BRIP1: variants seen among roughly 807,000 people sequenced by gnomAD.
The protein encoded by BRIP1 is BRCA1 interacting DNA helicase 1.
BRIP1 carries 88 observed loss-of-function variants against 119.7 expected under a neutral mutation model. The observed-to-expected ratio is 0.74, with a 90% CI of 0.62 to 0.88. The LOEUF is 0.88. Ranked by LOEUF, BRIP1 falls within the 40% of genes least tolerant of loss-of-function variation. The pLI, the probability that BRIP1 is intolerant of heterozygous loss-of-function variation, is 0.00. For missense variants in BRIP1, 1,259 were observed against 1,455.4 expected, an observed-to-expected ratio of 0.87 and a Z score of 2.20; for synonymous variants, 443 against 496.5, an observed-to-expected ratio of 0.89 and a Z score of 1.43.
In BRIP1 at chr17:61,760,311, G is replaced by C. The variant is rs1287740940; in HGVS notation, c.2098-15720C>G. On this transcript the variant is annotated intron_variant, in intron 14 of 19. Transcript: ENST00000259008. This position sits in a 1 kb window ranked among gnomAD's most constrained non-coding sequence, Gnocchi z 4.6. ...GGATGCAGCAAACGTAGTCCTAAGA[G>C]GAAAGTTTACAATAACAAATGCCTA... Among the ~76,000 whole-genome samples, 1 of 151,650 alleles carries C rather than the reference G, an allele frequency of 6.6e-6. No homozygotes were observed. Among genetic ancestry groups the C allele is most frequent in the African/African-American group, 2.4e-5 (1 of 41,352 alleles).
rs993775799 is a variant in BRIP1 at position 61,794,200 on chromosome 17, T to G, written c.1341-471A>C. 6.6e-6 allele frequency among the ~76,000 whole-genome samples: 1 copy of G among 152,190 alleles called. No individual in the cohort carries two copies. The highest frequency in any genetic ancestry group is 1.5e-5 in the Non-Finnish European group (1 of 68,038). ...TTAAGTGTTTGAATGCCTATTTTAT[T>G]CCAGACATTGTTCTGGGTAGTGAAA... On this transcript the variant is annotated intron_variant, in intron 9 of 19. Transcript: ENST00000259008. This position sits in a 1 kb window ranked among gnomAD's most constrained non-coding sequence, Gnocchi z 4.3.
At position 61,776,156 on chromosome 17, in the gene BRIP1, A is replaced by G; in HGVS notation, c.2097+245T>C. ...CTCAGCCTCCCAACCTGCTGGGATT[A>G]CAAGCATGAGCCACCACGTCCAGCC... is the stretch of plus-strand genomic sequence containing the variant. On this transcript the variant is annotated intron_variant, in intron 14 of 19. Coordinates refer to ENST00000259008, the MANE Select transcript of BRIP1 (RefSeq NM_032043.3). This position sits in a 1 kb window ranked among gnomAD's most constrained non-coding sequence, Gnocchi z 5.0. 1 of 464,628 alleles carries G rather than the reference A, an allele frequency of 2.2e-6. No homozygotes were observed. The highest frequency in any genetic ancestry group is 3.9e-6 in the Non-Finnish European group (1 of 256,216). The allele number at this position is 464,628 out of a possible 1,614,324, so 28.8% of individuals were successfully genotyped here.
intron 14 of BRIP1, among the ~76,000 whole-genome samples, chr17:61,765,947 C>T (rs753413043): frequency 4.0e-5 from 6 of 151,708 alleles, no homozygotes; most frequent in Non-Finnish European, 8.8e-5. Context: ...TTTTTAACAT[C>T]CTCTTTCAGA....
rs1567810571 is a variant in BRIP1 at position 61,778,330 on chromosome 17, GA to G, written c.1936-1769del. Among the ~76,000 whole-genome samples the G allele has an allele frequency of 7.2e-5, 11 of 152,162 alleles. No homozygotes were observed. On this transcript the variant is annotated intron_variant, in intron 13 of 19. Coordinates refer to ENST00000259008, the MANE Select transcript of BRIP1 (RefSeq NM_032043.3). This position sits in a 1 kb window ranked among gnomAD's most constrained non-coding sequence, Gnocchi z 4.4. Reference sequence around the variant, plus strand: ...AGAATGGTAGTTACCAGGAGCTGAGGAGAGGGGGAGAATAGAGAGCTGTTGT... The same window carrying G: ...AGAATGGTAGTTACCAGGAGCTGAGGGAGGGGGAGAATAGAGAGCTGTTGT...
chr17:61,849,421 T>C (rs1226954751), intron 4 of BRIP1, among the ~76,000 whole-genome samples, 165 bp from the exon 5 acceptor site: 1 of 152,192 alleles, frequency 6.6e-6, no homozygotes, highest in Non-Finnish European at 1.5e-5. Flanking sequence ...TACCATTCAG[T>C]TTACTTTACC....
rs1004935475 is a variant in BRIP1, at chr17:61,720,892, G to T, written c.2380-4829C>A. Among the ~76,000 whole-genome samples, 1 of 151,958 alleles carries T rather than the reference G, an allele frequency of 6.6e-6. No individual in the cohort carries two copies. Among genetic ancestry groups the T allele is most frequent in the Non-Finnish European group, 1.5e-5 (1 of 67,986 alleles). Reference sequence around the variant, plus strand: ...AGAGTCTCGCTCCATTGCCCAGGCTGGAGTGCAGTGACATGATCTTGGCTC... The same window carrying T: ...AGAGTCTCGCTCCATTGCCCAGGCTTGAGTGCAGTGACATGATCTTGGCTC... On this transcript the variant is annotated intron_variant, in intron 16 of 19. Coordinates refer to ENST00000259008, the MANE Select transcript of BRIP1 (RefSeq NM_032043.3). This position sits in a 1 kb window ranked among gnomAD's most constrained non-coding sequence, Gnocchi z 4.3.
At chr17:61,707,821 G>GC (rs2061715025) in intron 17 of BRIP1, among the ~76,000 whole-genome samples, 1 of 151,504 alleles carries the variant, frequency 6.6e-6, no homozygotes, top group Non-Finnish European at 1.5e-5. Flanking sequence ...TTTTTGTACA[G>GC]CCTCCAATGT....
rs1055750977 is a variant in BRIP1 at position 61,806,081 on chromosome 17, G to C, written c.918+2386C>G. On this transcript the variant is annotated intron_variant, in intron 7 of 19. Coordinates refer to ENST00000259008, the MANE Select transcript of BRIP1 (RefSeq NM_032043.3). This position sits in a 1 kb window ranked among gnomAD's most constrained non-coding sequence, Gnocchi z 4.9. ...TGCCTTGGATCAAGCCAAAAAATCAGAAAGTTTACACTTTAAGGGCAGTTA... is the reference window on the plus strand; with the variant it reads ...TGCCTTGGATCAAGCCAAAAAATCACAAAGTTTACACTTTAAGGGCAGTTA... Among the ~76,000 whole-genome samples, 2 of 152,278 alleles carry C rather than the reference G, an allele frequency of 1.3e-5. No homozygotes were observed. The highest frequency in any genetic ancestry group is 1.3e-4 in the Admixed American group (2 of 15,294).
chr17:61,789,072 T>G lies in BRIP1; in HGVS notation c.1473+4525A>C, dbSNP rs896118753. 1.2e-4 allele frequency among the ~76,000 whole-genome samples: 18 copies of G among 151,958 alleles called. No individual in the cohort carries two copies. Among genetic ancestry groups the G allele is most frequent in the Non-Finnish European group, 2.1e-4 (14 of 67,906 alleles). ...ATCACACCACTGCACTCCAGCCTGG[T>G]TAACAGAGTGAGATTCTGTCTCAAA... is the stretch of plus-strand genomic sequence containing the variant. On this transcript the variant is annotated intron_variant, in intron 10 of 19. Coordinates refer to ENST00000259008, the MANE Select transcript of BRIP1 (RefSeq NM_032043.3). This position sits in a 1 kb window ranked among gnomAD's most constrained non-coding sequence, Gnocchi z 4.8.
rs1270810827 is a variant in BRIP1, at chr17:61,794,265, C to T, written c.1341-536G>A. On this transcript the variant is annotated intron_variant, in intron 9 of 19. Transcript: ENST00000259008. The surrounding 1 kb of genome is among the most constrained non-coding windows in gnomAD (Gnocchi z 4.3). ...ATAAAATAGGCAAGGTCCTTACTCT[C>T]ATGGAAATTACATTCTACTAAAGGG... Among the ~76,000 whole-genome samples, 1 of 152,004 alleles carries T rather than the reference C, an allele frequency of 6.6e-6. No homozygotes were observed. The highest frequency in any genetic ancestry group is 2.4e-5 in the African/African-American group (1 of 41,394).
chr17:61,690,030 G>A lies in BRIP1; in HGVS notation c.2575+3400C>T, dbSNP rs764849393. Among the ~76,000 whole-genome samples, 10 of 152,086 alleles carry A rather than the reference G, an allele frequency of 6.6e-5. No homozygotes were observed. The highest frequency in any genetic ancestry group is 1.2e-4 in the Non-Finnish European group (8 of 68,002). ...CCAAAAAGAGAAAGATTTCTCAGGC[G>A]ACATCTTGCATGCTGTAAGGAAGTG... On this transcript the variant is annotated intron_variant, in intron 18 of 19. Coordinates refer to ENST00000259008, the MANE Select transcript of BRIP1 (RefSeq NM_032043.3). The surrounding 1 kb of genome is among the most constrained non-coding windows in gnomAD (Gnocchi z 5.6).
At position 61,683,849 on chromosome 17, in the gene BRIP1, G is replaced by C. The variant is rs1567728809; in HGVS notation, c.3197C>G (p.Ser1066Ter). 1 of 1,614,142 alleles carries C rather than the reference G, an allele frequency of 6.2e-7. No homozygotes were observed. Among genetic ancestry groups the C allele is most frequent in the Non-Finnish European group, 8.5e-7 (1 of 1,180,006 alleles). The change falls in exon 20 of 20, where the codon TCA becomes TGA. Residue 1066 changes from serine (S) to a stop codon, truncating the protein, a stop_gained. Transcript: ENST00000259008. LOFTEE classifies it low-confidence loss of function (END_TRUNC). This position sits in a 1 kb window ranked among gnomAD's most constrained non-coding sequence, Gnocchi z 4.7. ...SNLTVNTSFG[S>*]CPQSETIISS... ...AATAATGGTTTCTGATTGAGGGCAT[G>C]ATCCAAACGATGTGTTTACTGTCAG...
Position 61,679,541 on chromosome 17 carries a change from T to C in BRIP1, c.*3755A>G, listed in dbSNP as rs183234058. Among the ~76,000 whole-genome samples the C allele has an allele frequency of 1.4e-3, 207 of 152,296 alleles. 1 individual carries two copies. Among genetic ancestry groups the C allele is most frequent in the African/African-American group, 4.6e-3 (192 of 41,584 alleles). ...TATGCATTGAATGTGTCACATAAAT[T>C]ATTTGATAAACAATCTCTACCTTAT... is the stretch of plus-strand genomic sequence containing the variant. On this transcript the variant is annotated 3_prime_UTR_variant, in exon 20 of 20. Transcript: ENST00000259008. This position sits in a 1 kb window ranked among gnomAD's most constrained non-coding sequence, Gnocchi z 4.4.
rs1488935691 is a variant in BRIP1 at position 61,699,529 on chromosome 17, A to G, written c.2493-6017T>C. On this transcript the variant is annotated intron_variant, in intron 17 of 19. Coordinates refer to ENST00000259008, the MANE Select transcript of BRIP1 (RefSeq NM_032043.3). The surrounding 1 kb of genome is among the most constrained non-coding windows in gnomAD (Gnocchi z 4.8). ...CAGGAAAATTGCCAACTTAATTTCA[A>G]TAGTACAAAAAAATGGTCCTTCTGT... Among the ~76,000 whole-genome samples, 2 of 152,212 alleles carry G rather than the reference A, an allele frequency of 1.3e-5. No homozygotes were observed. Among genetic ancestry groups the G allele is most frequent in the Non-Finnish European group, 2.9e-5 (2 of 68,028 alleles).
chr17:61,808,891 T>A lies in BRIP1; in HGVS notation c.628-134A>T. 2.2e-6 allele frequency: 2 copies of A among 894,726 alleles called. No individual in the cohort carries two copies. Among genetic ancestry groups the A allele is most frequent in the South Asian group, 1.7e-5 (1 of 59,550 alleles). The allele number at this position is 894,726 out of a possible 1,614,324, so 55.4% of individuals were successfully genotyped here. A position where few individuals can be genotyped will look rare whatever the true frequency, so the allele number is the denominator to read the frequency against. ...AAAGAGAAATAACAAGAAATTATAG[T>A]ATCTAAAACTTGCCATTAAAGAAAA... is the stretch of plus-strand genomic sequence containing the variant. On this transcript the variant is annotated intron_variant, in intron 6 of 19. Coordinates refer to ENST00000259008, the MANE Select transcript of BRIP1 (RefSeq NM_032043.3). The surrounding 1 kb of genome is among the most constrained non-coding windows in gnomAD (Gnocchi z 4.1).
At position 61,743,053 on chromosome 17, in the gene BRIP1, A is replaced by T. The variant is rs1467232177; in HGVS notation, c.2339T>A (p.Ile780Lys). 6.2e-7 allele frequency: 1 copy of T among 1,614,066 alleles called. No homozygotes were observed. The highest frequency in any genetic ancestry group is 2.2e-5 in the East Asian group (1 of 44,864). Residue 780 changes from isoleucine to lysine, a missense_variant, in exon 16 of 20, where the codon ATA becomes AAA. Transcript: ENST00000259008. This position sits in a 1 kb window ranked among gnomAD's most constrained non-coding sequence, Gnocchi z 4.3. The stretch of plus-strand genomic sequence containing the variant: ...ATTTGGAAAAGGAATTCCTATTGTT[A>T]TGACAGCACGGGCATTGTCATCTGA... ...DFSDDNARAVITIGIPFPNVK... is the reference protein window; with the variant it reads ...DFSDDNARAVKTIGIPFPNVK...
chr17:61,823,258 A>G lies in BRIP1; in HGVS notation c.628-14501T>C, dbSNP rs887913281. On this transcript the variant is annotated intron_variant, in intron 6 of 19. Transcript: ENST00000259008. The surrounding 1 kb of genome is among the most constrained non-coding windows in gnomAD (Gnocchi z 4.8). ...TAAAGAAACAATAAATGTCCTTAAA[A>G]ATATGATTGTATGGCCTTCTGCTTT... Among the ~76,000 whole-genome samples, 1 of 152,238 alleles carries G rather than the reference A, an allele frequency of 6.6e-6. No homozygotes were observed. The highest frequency in any genetic ancestry group is 1.5e-5 in the Non-Finnish European group (1 of 68,034).
Position 61,756,409 on chromosome 17 carries a change from A to G in BRIP1, c.2098-11818T>C, listed in dbSNP as rs75822555. ...GAGGTATCTTTGTTGAAAATATCCT[A>G]CTTAATAGCTCATAAAGGGTAAATA... On this transcript the variant is annotated intron_variant, in intron 14 of 19. Transcript: ENST00000259008. The surrounding 1 kb of genome is among the most constrained non-coding windows in gnomAD (Gnocchi z 4.3). Among the ~76,000 whole-genome samples the G allele has an allele frequency of 5.4e-3, 827 of 152,288 alleles. 10 individuals carry two copies. Among genetic ancestry groups the G allele is most frequent in the African/African-American group, 0.018 (752 of 41,572 alleles).
In BRIP1 at chr17:61,822,666, A is replaced by G. The variant is rs1411201667; in HGVS notation, c.628-13909T>C. Among the ~76,000 whole-genome samples, 1 of 152,186 alleles carries G rather than the reference A, an allele frequency of 6.6e-6. No individual in the cohort carries two copies. Among genetic ancestry groups the G allele is most frequent in the Non-Finnish European group, 1.5e-5 (1 of 68,036 alleles). On this transcript the variant is annotated intron_variant, in intron 6 of 19. Transcript: ENST00000259008. This position sits in a 1 kb window ranked among gnomAD's most constrained non-coding sequence, Gnocchi z 4.4. Reference sequence around the variant, plus strand: ...GGACAGGAGAAAACATAACATGGTTATAGCTAAGGAAAAGAATCAATAGAA... The same window carrying G: ...GGACAGGAGAAAACATAACATGGTTGTAGCTAAGGAAAAGAATCAATAGAA...
Sources: gnomAD v4.1 joint callset for allele counts (sites outside exome capture counted in the v4.1 genomes callset) on GRCh38, gnomAD v4.1.1 for gene constraint, Gnocchi (gnomAD v3.1) non-coding constraint, MANE v1.5 for transcripts, NCBI Gene and HGNC (gene_info 2026-07-23, HGNC 2026-07-21) for gene names.